Variants in D2HGDH observed in about 807,000 individuals in gnomAD.
D2HGDH encodes D-2-hydroxyglutarate dehydrogenase, also known as D-2-hydroxyglutarate dehydrogenase, mitochondrial.
In D2HGDH, 31 loss-of-function variants were observed where a neutral mutation model predicts 46.9. The ratio of observed to expected loss-of-function variants is 0.66; its 90% CI spans 0.50 to 0.89. D2HGDH has a LOEUF of 0.89. Among genes scored for constraint, D2HGDH ranks in the 40% least tolerant of loss-of-function variants. D2HGDH has a pLI of 0.00. For synonymous variants in D2HGDH, 364 were observed against 332.6 expected, an observed-to-expected ratio of 1.09 and a Z score of -1.03; for missense variants, 698 against 720.8, an observed-to-expected ratio of 0.97 and a Z score of 0.36.
chr2:241,735,645 G>A, intron 2 of D2HGDH, 129 bp downstream of exon 2: 12 of 1,269,894 alleles, frequency 9.4e-6, no homozygotes, highest in Non-Finnish European at 1.3e-5. Context: ...TGAGAGGGGC[G>A]TGTGCACCGC....
chr2:241,763,787 T>TG (rs1699042301), intron 9 of D2HGDH, among the ~76,000 whole-genome samples: 1 of 152,132 alleles, frequency 6.6e-6, no homozygotes, highest in Non-Finnish European at 1.5e-5. Flanking sequence ...CTCAGCGCTT[T>TG]GGGAAGCTGA....
Position 241,742,346 on chromosome 2 carries a change from A to C in D2HGDH, c.351-89A>C. 1 of 1,487,200 alleles carries C rather than the reference A, an allele frequency of 6.7e-7. No homozygotes were observed. The highest frequency in any genetic ancestry group is 1.4e-5 in the African/African-American group (1 of 71,880). 92.1% of individuals were successfully genotyped at this position (1,487,200 alleles called of 1,614,324 possible). On this transcript the variant is annotated intron_variant, in intron 3 of 9. Transcript: ENST00000321264. This position sits in a 1 kb window ranked among gnomAD's most constrained non-coding sequence, Gnocchi z 4.8. ...GCAGGGCAGGGTAATCAGGATTTGG[A>C]GTCAGGCACTGGTCCTGCGGCGTGT...
intron 2 of D2HGDH, among the ~76,000 whole-genome samples, chr2:241,736,573 A>G (rs989894643): frequency 3.3e-5 from 5 of 152,090 alleles, no homozygotes; most frequent in Non-Finnish European, 5.9e-5. Flanking sequence ...CAGTTGTCTT[A>G]TAAAGACACT....
intron 8 of D2HGDH, chr2:241,754,894 C>G (rs143476553): frequency 1.3e-6 from 1 of 772,272 alleles, no homozygotes; most frequent in African/African-American, 1.8e-5. Context: ...TGAGCCACTG[C>G]GCCCGGCCAA....
At chr2:241,744,981 C>CA (rs1695486639) in intron 6 of D2HGDH, 104 bp downstream of exon 6, 1 of 1,475,134 alleles carries the variant, frequency 6.8e-7, no homozygotes, top group Non-Finnish European at 9.4e-7. Flanking sequence ...GACCCCCCGC[C>CA]AAGGACAGTC....
At position 241,744,867 on chromosome 2, in the gene D2HGDH, G is replaced by C; in HGVS notation, c.843G>C (p.Val281=). The C allele has an allele frequency of 6.2e-7, 1 of 1,614,160 alleles. No individual in the cohort carries two copies. Among genetic ancestry groups the C allele is most frequent in the Non-Finnish European group, 8.5e-7 (1 of 1,179,996 alleles). ...LCPPKPRAVN[V]AFLGCPGFAE... is the part of the protein sequence containing the mutation. ...CACCCAAGCCCAGGGCTGTGAACGTGGCTTTCCTCGGTGGGCTTCCTCGAT... is the reference window on the plus strand; with the variant it reads ...CACCCAAGCCCAGGGCTGTGAACGTCGCTTTCCTCGGTGGGCTTCCTCGAT... Residue 281 remains valine (V), a synonymous_variant, in exon 6 of 10, where the codon GTG becomes GTC. Transcript: ENST00000321264.
In D2HGDH at chr2:241,734,754, G is replaced by T. The variant is rs564340133; in HGVS notation, c.-93+59G>T. Reference sequence around the variant, plus strand: ...GAGGGTCCCGGTCTGCGGTTCAGCCGCGGGTCGGGGTGGCGGGGCGCGATC... The same window carrying T: ...GAGGGTCCCGGTCTGCGGTTCAGCCTCGGGTCGGGGTGGCGGGGCGCGATC... On this transcript the variant is annotated intron_variant, in intron 1 of 9. Coordinates refer to ENST00000321264, the MANE Select transcript of D2HGDH (RefSeq NM_152783.5). 2.7e-4 allele frequency: 42 copies of T among 155,358 alleles called. No homozygotes were observed. In the East Asian group the frequency reaches 7.6e-3, roughly 28 times the overall value. The allele number at this position is 155,358 out of a possible 1,614,324, so 9.6% of individuals were successfully genotyped here. A position where few individuals can be genotyped will look rare whatever the true frequency, so the allele number is the denominator to read the frequency against.
chr2:241,757,617 G>A (rs1482033790), intron 9 of D2HGDH, among the ~76,000 whole-genome samples: 1 of 152,124 alleles, frequency 6.6e-6, no homozygotes, highest in Non-Finnish European at 1.5e-5. Flanking sequence ...CACAGATAAA[G>A]CAGACCATCT....
chr2:241,738,305 G>A (rs1351763682), intron 2 of D2HGDH, among the ~76,000 whole-genome samples: 3 of 152,170 alleles, frequency 2.0e-5, no homozygotes, highest in Admixed American at 6.5e-5. Context: ...TGGCTAAGTC[G>A]GGCCCCAGTC....
chr2:241,737,964 CAG>C (rs1161811881), intron 2 of D2HGDH, among the ~76,000 whole-genome samples: 8 of 152,270 alleles, frequency 5.3e-5, no homozygotes, highest in Non-Finnish European at 7.4e-5. Context: ...TAAGAACACT[CAG>C]AAAGTTTCCA....
At chr2:241,735,843 A>G in intron 2 of D2HGDH, 1 of 360,206 alleles carries the variant, frequency 2.8e-6, no homozygotes, top group Non-Finnish European at 5.2e-6. Context: ...GCTCACTGCC[A>G]CCTCTGCCTC....
chr2:241,749,297 AGGTGTCTGC>A (rs1696672466), intron 6 of D2HGDH: 1 of 1,287,954 alleles, frequency 7.8e-7, no homozygotes, highest in African/African-American at 1.5e-5. Context: ...CACCCAGTGC[AGGTGTCTGC>A]CCCCAGCCTC....
chr2:241,764,533 G>A (rs1437663598), intron 9 of D2HGDH, among the ~76,000 whole-genome samples: 1 of 152,278 alleles, frequency 6.6e-6, no homozygotes, highest in Non-Finnish European at 1.5e-5. Flanking sequence ...GAGGCAGGGA[G>A]CTGGCAGAGG....
intron 9 of D2HGDH, among the ~76,000 whole-genome samples, chr2:241,761,845 A>G (rs926841381): frequency 6.6e-6 from 1 of 152,026 alleles, no homozygotes; most frequent in Non-Finnish European, 1.5e-5. Flanking sequence ...GGAACAGCTC[A>G]GATTTTCTTT....
At chr2:241,753,629 C>T (rs1697655073) in intron 8 of D2HGDH, among the ~76,000 whole-genome samples, 1 of 152,226 alleles carries the variant, frequency 6.6e-6, no homozygotes, top group Non-Finnish European at 1.5e-5. Context: ...GACACTCAGC[C>T]CTGCCCAGGC....
At chr2:241,750,719 A>G (rs1697026505) in intron 7 of D2HGDH, among the ~76,000 whole-genome samples, 1 of 152,164 alleles carries the variant, frequency 6.6e-6, no homozygotes, top group African/African-American at 2.4e-5. Flanking sequence ...ACTGTGGCCC[A>G]GGCTGGAGTG....
intron 2 of D2HGDH, among the ~76,000 whole-genome samples, chr2:241,740,460 C>T (rs1694132875): frequency 6.6e-6 from 1 of 152,234 alleles, no homozygotes; most frequent in East Asian, 1.9e-4. Flanking sequence ...TCCATGGGCC[C>T]AGCCTTACCC....
chr2:241,758,767 A>ATGTGTG (rs768590214), intron 9 of D2HGDH, among the ~76,000 whole-genome samples: 8,947 of 105,218 alleles, frequency 0.085, 332 homozygotes, highest in East Asian at 0.18. Flanking sequence ...GCCCCACAAT[A>ATGTGTG]TATGTGTGTG....
At chr2:241,741,428 C>T (rs1359482472) in intron 3 of D2HGDH, among the ~76,000 whole-genome samples, 1 of 152,178 alleles carries the variant, frequency 6.6e-6, no homozygotes, top group Non-Finnish European at 1.5e-5. Context: ...TGCTTTGGGG[C>T]AACGTGCACT....
Sources: gnomAD v4.1 joint callset for allele counts (sites outside exome capture counted in the v4.1 genomes callset) on GRCh38, gnomAD v4.1.1 for gene constraint, Gnocchi (gnomAD v3.1) non-coding constraint, MANE v1.5 for transcripts, NCBI Gene and HGNC (gene_info 2026-07-23, HGNC 2026-07-21) for gene names.